CCDC85C: variants seen among roughly 807,000 people sequenced by gnomAD.
CCDC85C encodes the protein coiled-coil domain-containing protein 85C.
CCDC85C carries 18 observed loss-of-function variants against 38.3 expected under a neutral mutation model. That is an observed-to-expected ratio of 0.47 (90% CI 0.33 to 0.70). The LOEUF (loss-of-function observed/expected upper bound fraction) is 0.70. Among genes scored for constraint, CCDC85C ranks in the 30% least tolerant of loss-of-function variants. The pLI, the probability that CCDC85C is intolerant of heterozygous loss-of-function variation, is 0.03. For missense variants in CCDC85C, 566 were observed against 621.2 expected, an observed-to-expected ratio of 0.91 and a Z score of 0.94; for synonymous variants, 264 against 293.8, an observed-to-expected ratio of 0.90 and a Z score of 1.04.
chr14:99,551,439 G>A (rs777331798), intron 1 of CCDC85C, among the ~76,000 whole-genome samples: 6 of 152,146 alleles, frequency 3.9e-5, no homozygotes, highest in Non-Finnish European at 7.3e-5. Context: ...GCAGGTGGGT[G>A]TGCAGGTGAG....
chr14:99,521,700 CA>C (rs1897305480), intron 3 of CCDC85C, among the ~76,000 whole-genome samples: 1 of 152,192 alleles, frequency 6.6e-6, no homozygotes, highest in South Asian at 2.1e-4. Context: ...GAGCTGGCTC[CA>C]AGCCGCCCAC....
rs1897183983 is a variant in CCDC85C at position 99,514,202 on chromosome 14, C to G, written c.*1044G>C. The G allele has an allele frequency of 6.6e-6, 1 of 152,414 alleles. No individual in the cohort carries two copies. The highest frequency in any genetic ancestry group is 2.4e-5 in the African/African-American group (1 of 41,460). 9.4% of individuals were successfully genotyped at this position (152,414 alleles called of 1,614,324 possible). On this transcript the variant is annotated 3_prime_UTR_variant, in exon 6 of 6. Transcript: ENST00000380243. ...GAAAAGGAACCTCAGAGACCTGTTTCCACCAAGAGCCCAGACAGGCTGAGT... is the reference window on the plus strand; with the variant it reads ...GAAAAGGAACCTCAGAGACCTGTTTGCACCAAGAGCCCAGACAGGCTGAGT...
chr14:99,553,089 C>T (rs987029704), intron 1 of CCDC85C, among the ~76,000 whole-genome samples: 3 of 152,220 alleles, frequency 2.0e-5, no homozygotes, highest in Admixed American at 6.5e-5. Context: ...CACAGAAACA[C>T]TGGTCTCACA....
chr14:99,515,713 G>C (rs112309156), intron 5 of CCDC85C, among the ~76,000 whole-genome samples: 2,094 of 152,212 alleles, frequency 0.014, 55 homozygotes, highest in African/African-American at 0.048. Flanking sequence ...GGAGACCGCC[G>C]ATGGTGCTCA....
Position 99,510,495 on chromosome 14 carries a change from C to T in CCDC85C, c.*4751G>A. ...CTACCCGCCCAACCCGCCCCCGCCA[C>T]CTGTGCCTCCTCCCCCAGCCTCCTT... On this transcript the variant is annotated 3_prime_UTR_variant, in exon 6 of 6. Transcript: ENST00000380243. The T allele has an allele frequency of 8.6e-7, 1 of 1,158,956 alleles. No individual in the cohort carries two copies. The highest frequency in any genetic ancestry group is 1.4e-5 in the South Asian group (1 of 70,338). The allele number at this position is 1,158,956 out of a possible 1,614,324, so 71.8% of individuals were successfully genotyped here.
At chr14:99,547,111 T>A (rs1039895200) in intron 1 of CCDC85C, among the ~76,000 whole-genome samples, 2 of 151,998 alleles carry the variant, frequency 1.3e-5, no homozygotes, top group African/African-American at 4.8e-5. Flanking sequence ...CACTTGAAGC[T>A]AGGAGTTCAA....
At chr14:99,549,401 A>T (rs1033764708) in intron 1 of CCDC85C, among the ~76,000 whole-genome samples, 1 of 152,176 alleles carries the variant, frequency 6.6e-6, no homozygotes, top group African/African-American at 2.4e-5. Flanking sequence ...CAACAGCAGC[A>T]GTTGAGAGCC....
At chr14:99,536,770 G>T (rs1897609729) in intron 1 of CCDC85C, among the ~76,000 whole-genome samples, 1 of 152,186 alleles carries the variant, frequency 6.6e-6, no homozygotes, top group Admixed American at 6.5e-5. Flanking sequence ...TATCTATGCA[G>T]ACCACTGGTG....
chr14:99,517,324 G>A (rs1241297893), intron 3 of CCDC85C, 141 bp from the exon 4 acceptor site: 4 of 665,006 alleles, frequency 6.0e-6, no homozygotes, highest in Non-Finnish European at 1.0e-5. Flanking sequence ...GAGGAGGCAG[G>A]TGTGAGGATG....
intron 3 of CCDC85C, 28 bp downstream of exon 3, chr14:99,522,105 T>C: frequency 6.6e-7 from 1 of 1,512,334 alleles, no homozygotes; most frequent in Non-Finnish European, 9.0e-7. Context: ...ATCCAGAACA[T>C]GTGGGCTTTT....
At chr14:99,601,406 T>C (rs2055197189) in intron 1 of CCDC85C, among the ~76,000 whole-genome samples, 1 of 152,180 alleles carries the variant, frequency 6.6e-6, no homozygotes, top group Non-Finnish European at 1.5e-5. Context: ...TGAGCCAGAC[T>C]GGGGCCGCAT....
chr14:99,543,463 C>A (rs1033637087), intron 1 of CCDC85C, among the ~76,000 whole-genome samples: 9 of 152,138 alleles, frequency 5.9e-5, no homozygotes, highest in African/African-American at 1.7e-4. Flanking sequence ...TCTACTGCAA[C>A]GCAAAGAGTG....
chr14:99,537,923 T>G (rs1345409377), intron 1 of CCDC85C, among the ~76,000 whole-genome samples: 1 of 152,164 alleles, frequency 6.6e-6, no homozygotes, highest in Non-Finnish European at 1.5e-5. Context: ...CTTCATGTCC[T>G]GTACCCTACT....
chr14:99,500,911 A>G lies in CCDC85C; in HGVS notation c.*14335T>C, dbSNP rs1187188837. 2 of 1,235,492 alleles carry G rather than the reference A, an allele frequency of 1.6e-6. No homozygotes were observed. Among genetic ancestry groups the G allele is most frequent in the Non-Finnish European group, 2.3e-6 (2 of 874,994 alleles). 76.5% of individuals were successfully genotyped at this position (1,235,492 alleles called of 1,614,324 possible). A position where few individuals can be genotyped will look rare whatever the true frequency, so the allele number is the denominator to read the frequency against. On this transcript the variant is annotated 3_prime_UTR_variant, in exon 6 of 6. Coordinates refer to ENST00000380243, the MANE Select transcript of CCDC85C (RefSeq NM_001144995.2). ...TTCAGAAGAATTTTTTCATTCTGAA[A>G]TCAAGTCTTTATAATTTGATGACAC...
intron 2 of CCDC85C, among the ~76,000 whole-genome samples, chr14:99,528,417 G>GACT (rs1897429921): frequency 1.3e-5 from 2 of 152,178 alleles, no homozygotes; most frequent in South Asian, 4.1e-4. Context: ...TCGCCAAGGC[G>GACT]ACTCCAGGAG....
Position 99,502,583 on chromosome 14 carries a change from C to A in CCDC85C, c.*12663G>T. The A allele has an allele frequency of 8.3e-7, 1 of 1,203,072 alleles. No homozygotes were observed. The highest frequency in any genetic ancestry group is 1.2e-6 in the Non-Finnish European group (1 of 858,898). The allele number at this position is 1,203,072 out of a possible 1,614,324, so 74.5% of individuals were successfully genotyped here. A position where few individuals can be genotyped will look rare whatever the true frequency, so the allele number is the denominator to read the frequency against. On this transcript the variant is annotated 3_prime_UTR_variant, in exon 6 of 6. Coordinates refer to ENST00000380243, the MANE Select transcript of CCDC85C (RefSeq NM_001144995.2). ...TAAAAATACACACCAGTGTTGCACA[C>A]AACGAAGATGGGGTGAGTTGTAAAT...
chr14:99,571,188 T>C (rs1898334199), intron 1 of CCDC85C, among the ~76,000 whole-genome samples: 1 of 151,968 alleles, frequency 6.6e-6, no homozygotes. Flanking sequence ...GAGACAGGGA[T>C]CATGGGGGAG....
Position 99,522,258 on chromosome 14 carries a change from A to T in CCDC85C, c.868-18T>A. ...CCTGCCTGCTGCAGGGGAGAGAAGG[A>T]GAGGGGTTAGACGGAGGGCCAGGCT... On this transcript the variant is annotated intron_variant, in intron 2 of 5. Transcript: ENST00000380243. The T allele has an allele frequency of 6.5e-7, 1 of 1,531,726 alleles. No homozygotes were observed. The highest frequency in any genetic ancestry group is 8.8e-7 in the Non-Finnish European group (1 of 1,136,110). The allele number at this position is 1,531,726 out of a possible 1,614,324, so 94.9% of individuals were successfully genotyped here. A position where few individuals can be genotyped will look rare whatever the true frequency, so the allele number is the denominator to read the frequency against.
Position 99,504,020 on chromosome 14 carries a change from G to A in CCDC85C, c.*11226C>T, listed in dbSNP as rs1007284298. 6 of 364,702 alleles carry A rather than the reference G, an allele frequency of 1.6e-5. No homozygotes were observed. The highest frequency in any genetic ancestry group is 1.3e-4 in the African/African-American group (6 of 46,258). 22.6% of individuals were successfully genotyped at this position (364,702 alleles called of 1,614,324 possible). A position where few individuals can be genotyped will look rare whatever the true frequency, so the allele number is the denominator to read the frequency against. ...CACAGCAGATGCGGGGGGGCAGTAG[G>A]GGGTGGTGTGCTGCCCGGACAGCAC... On this transcript the variant is annotated 3_prime_UTR_variant, in exon 6 of 6. Coordinates refer to ENST00000380243, the MANE Select transcript of CCDC85C (RefSeq NM_001144995.2).
Sources: allele counts gnomAD v4.1 joint callset (sites outside exome capture counted in the v4.1 genomes callset), GRCh38; gene constraint gnomAD v4.1.1; transcripts MANE v1.5; gene names NCBI Gene and HGNC (gene_info 2026-07-23, HGNC 2026-07-21).